RIMBP2: variants seen among roughly 807,000 people sequenced by gnomAD.
RIMBP2 encodes the protein RIMS binding protein 2.
RIMBP2 carries 48 observed loss-of-function variants against 118.6 expected under a neutral mutation model. That is an observed-to-expected ratio of 0.40 (90% CI 0.32 to 0.51). The LOEUF is 0.51. Among genes scored for constraint, RIMBP2 ranks in the 20% least tolerant of loss-of-function variants. The pLI is 0.41. For missense variants in RIMBP2, 1,551 were observed against 1,768.3 expected (o/e 0.88, Z 2.20); for synonymous variants, 762 against 742.9 (o/e 1.03, Z -0.42).
chr12:130,621,805 T>C lies in RIMBP2; in HGVS notation c.-217+6517A>G, dbSNP rs1254043770. ...ACTCTTGCCAAACACATTTGTACTC[T>C]ACCCTTTTACTGCCCTTGAAGGTAA... On this transcript the variant is annotated intron_variant, in intron 2 of 22. Transcript: ENST00000690449. The surrounding 1 kb of genome is among the most constrained non-coding windows in gnomAD (Gnocchi z 6.6). Among the ~76,000 whole-genome samples the C allele has an allele frequency of 1.3e-5, 2 of 152,188 alleles. No homozygotes were observed. The highest frequency in any genetic ancestry group is 2.9e-5 in the Non-Finnish European group (2 of 68,040).
At chr12:130,401,195 C>T (rs1029762221) in intron 21 of RIMBP2, among the ~76,000 whole-genome samples, 1 of 151,934 alleles carries the variant, frequency 6.6e-6, no homozygotes. Flanking sequence ...GGCTCACTGC[C>T]ACCTCCACCT....
intron 6 of RIMBP2, among the ~76,000 whole-genome samples, chr12:130,468,212 A>AGGCCAGGGCT (rs1332854343): frequency 6.6e-6 from 1 of 152,204 alleles, no homozygotes; most frequent in African/African-American, 2.4e-5. Flanking sequence ...CACCCTGCAA[A>AGGCCAGGGCT]GGCCAGGGCT....
intron 21 of RIMBP2, among the ~76,000 whole-genome samples, chr12:130,400,544 C>T (rs1422691323): frequency 3.3e-5 from 5 of 152,178 alleles, no homozygotes; most frequent in Non-Finnish European, 7.3e-5. Flanking sequence ...AACTCATCTG[C>T]CCATAAAGTG....
Position 130,412,722 on chromosome 12 carries a change from A to T in RIMBP2, c.3486T>A (p.Ile1162=). ...RGETCARLGL[I]PCNMVSEIQA... The stretch of plus-strand genomic sequence containing the variant: ...GTATCTCAGAGACCATGTTACAAGG[A>T]ATAAGGCCAAGCCGGGCACAGGTTT... Residue 1162 remains isoleucine, a synonymous_variant, in exon 19 of 23, where the codon ATT becomes ATA. Coordinates refer to ENST00000690449, the MANE Select transcript of RIMBP2 (RefSeq NM_001393629.1). The T allele has an allele frequency of 5.0e-6, 8 of 1,613,956 alleles. No homozygotes were observed. The highest frequency in any genetic ancestry group is 5.9e-6 in the Non-Finnish European group (7 of 1,179,994).
At chr12:130,481,372 G>A (rs560092211) in intron 4 of RIMBP2, among the ~76,000 whole-genome samples, 1 of 152,302 alleles carries the variant, frequency 6.6e-6, no homozygotes, top group East Asian at 1.9e-4. Flanking sequence ...AAGCGCTGTG[G>A]TTGGTGGGAT....
chr12:130,433,383 C>G (rs141797767), intron 14 of RIMBP2, among the ~76,000 whole-genome samples: 6 of 152,320 alleles, frequency 3.9e-5, no homozygotes, highest in African/African-American at 1.4e-4. Context: ...GATGCACAGC[C>G]TTTCCCCAAC....
chr12:130,698,228 G>T (rs915230220), intron 1 of RIMBP2, among the ~76,000 whole-genome samples: 13 of 152,298 alleles, frequency 8.5e-5, no homozygotes, highest in African/African-American at 2.6e-4. Flanking sequence ...GTGCAACCGT[G>T]ACTTAGTGAA....
chr12:130,585,123 C>A (rs1434906153), intron 2 of RIMBP2, among the ~76,000 whole-genome samples: 1 of 152,142 alleles, frequency 6.6e-6, no homozygotes, highest in East Asian at 1.9e-4. Context: ...CTCCTGGGCT[C>A]AAGTGATCCT....
intron 2 of RIMBP2, among the ~76,000 whole-genome samples, chr12:130,520,219 A>G (rs1314388786): frequency 6.6e-6 from 1 of 152,216 alleles, no homozygotes; most frequent in Non-Finnish European, 1.5e-5. Context: ...TGATGAAATG[A>G]AATCAGTCTT....
intron 15 of RIMBP2, chr12:130,425,212 G>A (rs575906690): frequency 8.6e-5 from 17 of 197,526 alleles, no homozygotes; most frequent in East Asian, 4.7e-4. Context: ...GTGTGGCCAC[G>A]GTGCCAGGGG....
intron 4 of RIMBP2, among the ~76,000 whole-genome samples, chr12:130,482,903 G>C (rs1302348836): frequency 8.9e-6 from 1 of 111,792 alleles, no homozygotes; most frequent in Non-Finnish European, 1.9e-5. Flanking sequence ...GCAGGGGAGG[G>C]GGCACACCTC....
intron 7 of RIMBP2, among the ~76,000 whole-genome samples, chr12:130,453,551 ACT>A (rs1427726998): frequency 1.3e-5 from 2 of 152,152 alleles, no homozygotes; most frequent in East Asian, 1.9e-4. Context: ...CACCTGGAGG[ACT>A]CTCTGCTACG....
chr12:130,449,780 G>A (rs756467728), intron 9 of RIMBP2, among the ~76,000 whole-genome samples: 12 of 152,212 alleles, frequency 7.9e-5, no homozygotes, highest in Middle Eastern at 3.4e-3. Flanking sequence ...CAGGGAGGGC[G>A]AGGCGGCCAG....
At chr12:130,713,977 G>A (rs1950148385) in intron 1 of RIMBP2, among the ~76,000 whole-genome samples, 1 of 152,186 alleles carries the variant, frequency 6.6e-6, no homozygotes, top group African/African-American at 2.4e-5. Flanking sequence ...GGACTGCGTG[G>A]GAATGCGGAT....
At chr12:130,464,904 C>T (rs1593401986) in intron 6 of RIMBP2, 1 of 152,252 alleles carries the variant, frequency 6.6e-6, no homozygotes, top group Non-Finnish European at 1.5e-5. Context: ...CGCCTGGGAC[C>T]ACAGCCCTTT....
At chr12:130,456,796 CACTGTGTGCACGTGTGTACACACGTGT>C (rs2079490108) in intron 6 of RIMBP2, 96 bp from the exon 7 acceptor site, 1 of 860,634 alleles carries the variant, frequency 1.2e-6, no homozygotes, top group African/African-American at 1.7e-5. Context: ...TGCACATGTG[CACTGTGTGCACGTGTGTACACACGTGT>C]TGTGTCTGTG....
chr12:130,514,211 G>C (rs1307905358), intron 3 of RIMBP2, among the ~76,000 whole-genome samples: 1 of 152,256 alleles, frequency 6.6e-6, no homozygotes, highest in African/African-American at 2.4e-5. Context: ...TCCATGCCGG[G>C]TGAGCTGCTG....
At chr12:130,528,270 A>G (rs2053017863) in intron 2 of RIMBP2, among the ~76,000 whole-genome samples, 1 of 152,228 alleles carries the variant, frequency 6.6e-6, no homozygotes, top group Non-Finnish European at 1.5e-5. Flanking sequence ...CAGCCATAAA[A>G]AGGAATGAGA....
At chr12:130,659,904 G>A (rs1218496163) in intron 1 of RIMBP2, 1 of 150,132 alleles carries the variant, frequency 6.7e-6, no homozygotes, top group Non-Finnish European at 1.5e-5. Flanking sequence ...AACCCATGAG[G>A]AAGAGGTTGC....
Sources: gnomAD v4.1 joint callset for allele counts (sites outside exome capture counted in the v4.1 genomes callset) on GRCh38, gnomAD v4.1.1 for gene constraint, Gnocchi (gnomAD v3.1) non-coding constraint, MANE v1.5 for transcripts, NCBI Gene and HGNC (gene_info 2026-07-23, HGNC 2026-07-21) for gene names.